Variants in TTC27 observed in about 807,000 individuals in gnomAD.
TTC27 encodes tetratricopeptide repeat domain 27.
TTC27 carries 79 observed loss-of-function variants against 115.9 expected under a neutral mutation model. The observed-to-expected ratio is 0.68, with a 90% CI of 0.57 to 0.82. The LOEUF (loss-of-function observed/expected upper bound fraction) is 0.82, where lower values mean the gene tolerates loss of function less well. Ranked by LOEUF, TTC27 falls within the 40% of genes least tolerant of loss-of-function variation. The pLI is 0.00. For missense variants in TTC27, 1,054 were observed against 993.1 expected (o/e 1.06, Z -0.82); for synonymous variants, 401 against 356.0 (o/e 1.13, Z -1.42).
Position 32,681,646 on chromosome 2 carries a change from C to G in TTC27, c.1119+2724C>G, listed in dbSNP as rs1484855800. 3.3e-5 allele frequency among the ~76,000 whole-genome samples: 4 copies of G among 120,264 alleles called. No individual in the cohort carries two copies. The East Asian group carries it at 9.5e-4, about 29-fold the overall frequency. 78.9% of individuals were successfully genotyped at this position (120,264 alleles called of 152,430 possible). ...TATTCAGTAAATTATATGAGATATT[C>G]AGCTTTTTTTTTTTTTTTTATAAAA... On this transcript the variant is annotated intron_variant, in intron 9 of 19. Coordinates refer to ENST00000317907, the MANE Select transcript of TTC27 (RefSeq NM_017735.5).
intron 5 of TTC27, 33 bp from the exon 6 acceptor site, chr2:32,664,270 A>G (rs760510851): frequency 5.1e-6 from 8 of 1,564,660 alleles, no homozygotes; most frequent in Middle Eastern, 1.7e-4. Context: ...TCTTCTCATC[A>G]TAACTTTTAA....
chr2:32,774,782 A>G (rs1463336855), intron 13 of TTC27, among the ~76,000 whole-genome samples: 1 of 152,230 alleles, frequency 6.6e-6, no homozygotes, highest in Non-Finnish European at 1.5e-5. Context: ...TGAAGACCTC[A>G]AAAAAGAAAA....
intron 12 of TTC27, among the ~76,000 whole-genome samples, chr2:32,747,333 T>C (rs112271426): frequency 6.6e-6 from 1 of 152,204 alleles, no homozygotes; most frequent in Non-Finnish European, 1.5e-5. Flanking sequence ...TTGAAAATAA[T>C]TGTAAATCTA....
At chr2:32,714,216 T>C (rs1667681520) in intron 10 of TTC27, among the ~76,000 whole-genome samples, 1 of 145,050 alleles carries the variant, frequency 6.9e-6, no homozygotes. Flanking sequence ...TGGAGTGCAG[T>C]GGTACCATCT....
chr2:32,654,458 T>C, intron 5 of TTC27, among the ~76,000 whole-genome samples: 1 of 152,110 alleles, frequency 6.6e-6, no homozygotes, highest in East Asian at 1.9e-4. Flanking sequence ...GGTGTACAAT[T>C]TGTGACATTT....
rs1319033974 is a variant in TTC27, at chr2:32,812,471, T to C, written c.2197-33T>C. On this transcript the variant is annotated intron_variant, in intron 17 of 19. Coordinates refer to ENST00000317907, the MANE Select transcript of TTC27 (RefSeq NM_017735.5). ...GAGTTTGAAATGTGAATTCTACTTG[T>C]TATTCTGAATGTTGTTCTTTCTCCT... 4.1e-6 allele frequency: 6 copies of C among 1,464,852 alleles called. No homozygotes were observed. In the African/African-American group the frequency reaches 8.4e-5, roughly 20 times the overall value. The allele number at this position is 1,464,852 out of a possible 1,614,324, so 90.7% of individuals were successfully genotyped here.
intron 10 of TTC27, among the ~76,000 whole-genome samples, chr2:32,711,137 A>AAAGAAG (rs1208910742): frequency 6.7e-6 from 1 of 149,518 alleles, no homozygotes; most frequent in Non-Finnish European, 1.5e-5. Context: ...AAAAAAAAAA[A>AAAGAAG]AAGAAGAAGA....
chr2:32,749,091 G>A (rs1668924447), intron 12 of TTC27, among the ~76,000 whole-genome samples: 1 of 152,154 alleles, frequency 6.6e-6, no homozygotes. Flanking sequence ...GATAGTTTCT[G>A]TTGATTGCCT....
At chr2:32,776,164 A>G (rs1448584358) in intron 13 of TTC27, among the ~76,000 whole-genome samples, 3 of 152,202 alleles carry the variant, frequency 2.0e-5, no homozygotes, top group African/African-American at 2.4e-5. Context: ...TCTGTTCTCC[A>G]TAAAGGCTCC....
chr2:32,650,073 G>A (rs1046346711), intron 4 of TTC27, 58 bp from the exon 5 acceptor site: 3 of 1,405,264 alleles, frequency 2.1e-6, no homozygotes, highest in East Asian at 2.3e-5. Context: ...CTCAGTTAAT[G>A]TAAAAAGAGT....
rs1406289198 is a variant in TTC27, at chr2:32,682,846, TG to T, written c.1119+3925del. On this transcript the variant is annotated intron_variant, in intron 9 of 19. Coordinates refer to ENST00000317907, the MANE Select transcript of TTC27 (RefSeq NM_017735.5). Reference sequence around the variant, plus strand: ...ACCACACCCGGATAATTTTTATTGTTGTTTTTTTTTTTTTTTTTTTTTTTGA... The same window carrying T: ...ACCACACCCGGATAATTTTTATTGTTTTTTTTTTTTTTTTTTTTTTTTTGA... Among the ~76,000 whole-genome samples, 255 of 99,294 alleles carry T rather than the reference TG, an allele frequency of 2.6e-3. 36 individuals are homozygous for T. In the Middle Eastern group the frequency reaches 0.026, roughly 10 times the overall value. 65.1% of individuals were successfully genotyped at this position (99,294 alleles called of 152,430 possible). A position where few individuals can be genotyped will look rare whatever the true frequency, so the allele number is the denominator to read the frequency against.
chr2:32,819,022 T>C (rs1327780200), intron 19 of TTC27, among the ~76,000 whole-genome samples: 1 of 152,196 alleles, frequency 6.6e-6, no homozygotes, highest in Non-Finnish European at 1.5e-5. Context: ...GCAGGGTTTT[T>C]TCCTGTGACT....
At chr2:32,670,133 C>A (rs755552232) in intron 7 of TTC27, among the ~76,000 whole-genome samples, 82 of 152,038 alleles carry the variant, frequency 5.4e-4, no homozygotes, top group Non-Finnish European at 5.9e-4. Flanking sequence ...CCGCCTCAGC[C>A]TCTCAAAGTG....
chr2:32,786,742 A>G (rs2148021518), intron 15 of TTC27, among the ~76,000 whole-genome samples: 1 of 152,250 alleles, frequency 6.6e-6, no homozygotes, highest in South Asian at 2.1e-4. Context: ...TGTCCTTGTT[A>G]CCAGTAAATA....
intron 16 of TTC27, among the ~76,000 whole-genome samples, chr2:32,790,318 CAT>C (rs1414075997): frequency 1.3e-5 from 2 of 151,726 alleles, no homozygotes; most frequent in East Asian, 1.9e-4. Flanking sequence ...TTAATACAGA[CAT>C]AGGGTAAATT....
intron 10 of TTC27, among the ~76,000 whole-genome samples, chr2:32,731,928 G>T (rs1346491057): frequency 6.6e-6 from 1 of 152,010 alleles, no homozygotes; most frequent in Non-Finnish European, 1.5e-5. Flanking sequence ...GCTAGTTTTA[G>T]TAACTATAGC....
intron 18 of TTC27, among the ~76,000 whole-genome samples, chr2:32,815,866 A>G (rs1191855175): frequency 6.6e-6 from 1 of 152,194 alleles, no homozygotes; most frequent in Non-Finnish European, 1.5e-5. Context: ...CCCTTTAATG[A>G]GAAATGTCAA....
At chr2:32,636,677 G>A (rs1436283547) in intron 3 of TTC27, among the ~76,000 whole-genome samples, 1 of 152,178 alleles carries the variant, frequency 6.6e-6, no homozygotes, top group African/African-American at 2.4e-5. Flanking sequence ...CTATACTAGT[G>A]TAGAAGCACC....
chr2:32,809,428 G>T (rs1347684074), intron 16 of TTC27, among the ~76,000 whole-genome samples: 1 of 152,232 alleles, frequency 6.6e-6, no homozygotes, highest in East Asian at 1.9e-4. Context: ...GTCTCTTGGA[G>T]CCTTGCTTCT....
Sources: gnomAD v4.1 joint callset for allele counts (sites outside exome capture counted in the v4.1 genomes callset) on GRCh38, gnomAD v4.1.1 for gene constraint, MANE v1.5 for transcripts, NCBI Gene and HGNC (gene_info 2026-07-23, HGNC 2026-07-21) for gene names.